Variants in ZNF701 observed in about 807,000 individuals in gnomAD.
ZNF701 encodes zinc finger protein 701.
Under a neutral mutation model 7.1 loss-of-function variants are expected in ZNF701, and 6 were observed. The ratio of observed to expected loss-of-function variants is 0.84; its 90% CI spans 0.46 to 1.66. The LOEUF (loss-of-function observed/expected upper bound fraction) is 1.66. ZNF701 is among the 40% of genes most tolerant of loss of function. The pLI is 0.01. For missense variants in ZNF701, 541 were observed against 559.2 expected, an observed-to-expected ratio of 0.97 and a Z score of 0.33; for synonymous variants, 166 against 188.2, an observed-to-expected ratio of 0.88 and a Z score of 0.97.
intron 3 of ZNF701, among the ~76,000 whole-genome samples, chr19:52,578,924 A>AT (rs1267637741): frequency 6.6e-6 from 1 of 150,554 alleles, no homozygotes; most frequent in Non-Finnish European, 1.5e-5. Flanking sequence ...CGCCTGGCTA[A>AT]TTTTTTTGTA....
chr19:52,579,210 G>T (rs2059958856), intron 3 of ZNF701, among the ~76,000 whole-genome samples: 1 of 142,756 alleles, frequency 7.0e-6, no homozygotes, highest in South Asian at 2.1e-4. Flanking sequence ...TTGGGAAGTG[G>T]TTATTGTTGC....
the ZNF701 span, among the ~76,000 whole-genome samples, chr19:52,593,236 C>G: frequency 7.6e-5 from 9 of 118,782 alleles, 3 homozygotes; most frequent in East Asian, 2.2e-4. Context: ...ACCTTTCCCC[C>G]CTTTCTATTC....
Position 52,582,746 on chromosome 19 carries a change from C to T in ZNF701, c.687C>T (p.Leu229=). 1.9e-6 allele frequency: 3 copies of T among 1,614,108 alleles called. No individual in the cohort carries two copies. Among genetic ancestry groups the T allele is most frequent in the Non-Finnish European group, 2.5e-6 (3 of 1,180,016 alleles). ...GCAAAGCCTTTAATGGTAGCTCACT[C>T]TTAAAAAAACATCAGATAATCCATT... ...ESGKAFNGSS[L]LKKHQIIHLG... Residue 229 remains leucine, a synonymous_variant, in exon 4 of 4, where the codon CTC becomes CTT. Coordinates refer to ENST00000391785, the MANE Select transcript of ZNF701 (RefSeq NM_018260.3).
chr19:52,593,871 C>T, the ZNF701 span, among the ~76,000 whole-genome samples: 4 of 111,676 alleles, frequency 3.6e-5, 2 homozygotes, highest in Non-Finnish European at 7.7e-5. Context: ...ACATCCCAGA[C>T]GATGGGCGGC....
At chr19:52,570,741 G>T (rs2059892327) in intron 1 of ZNF701, 1 of 152,262 alleles carries the variant, frequency 6.6e-6, no homozygotes. Flanking sequence ...CCTGGTGCTG[G>T]GATCTTGTGG....
intron 3 of ZNF701, among the ~76,000 whole-genome samples, chr19:52,578,602 G>A (rs1240380440): frequency 1.3e-5 from 2 of 152,108 alleles, no homozygotes; most frequent in African/African-American, 4.8e-5. Context: ...AAGCCCGCAG[G>A]GCTGGACCCT....
At chr19:52,600,115 G>C in the ZNF701 span, among the ~76,000 whole-genome samples, 7 of 152,180 alleles carry the variant, frequency 4.6e-5, no homozygotes, top group East Asian at 9.6e-4. Flanking sequence ...CTGGTCTAAG[G>C]CTTATTTATT....
downstream of ZNF701, among the ~76,000 whole-genome samples, chr19:52,590,781 AGT>A (rs1378300988): frequency 1.3e-5 from 2 of 152,092 alleles, no homozygotes; most frequent in African/African-American, 4.8e-5. Context: ...AGTTAATTTA[AGT>A]GTGTGTGGGT....
At position 52,576,117 on chromosome 19, in the gene ZNF701, AAAT is replaced by A. The variant is rs1212002718; in HGVS notation, c.142+97_142+99del. ...TGGGAGCCACATCCTTGCTTGGCTA[AAAT>A]GGAAGCCGTATTGAGTTAGAAATGA... On this transcript the variant is annotated intron_variant, in intron 3 of 3. Transcript: ENST00000391785. The A allele has an allele frequency of 4.6e-5, 74 of 1,597,388 alleles. No individual in the cohort carries two copies. In the Middle Eastern group the frequency reaches 1.0e-3, roughly 22 times the overall value.
the ZNF701 span, among the ~76,000 whole-genome samples, chr19:52,598,289 G>A: frequency 5.3e-5 from 8 of 152,194 alleles, no homozygotes; most frequent in Admixed American, 3.9e-4. Flanking sequence ...AACATATTGT[G>A]TTGGGCCACC....
At position 52,570,292 on chromosome 19, in the gene ZNF701, A is replaced by G; in HGVS notation, c.-110A>G. On this transcript the variant is annotated 5_prime_UTR_variant, in exon 1 of 4. Coordinates refer to ENST00000391785, the MANE Select transcript of ZNF701 (RefSeq NM_018260.3). ...CTGTGCGCACACATCCGCGCAGACC[A>G]GGAAGCGGATCCCGTGGAGTGAAGG... 1 of 154,344 alleles carries G rather than the reference A, an allele frequency of 6.5e-6. No homozygotes were observed. The highest frequency in any genetic ancestry group is 1.9e-4 in the South Asian group (1 of 5,298). 9.6% of individuals were successfully genotyped at this position (154,344 alleles called of 1,614,324 possible). A position where few individuals can be genotyped will look rare whatever the true frequency, so the allele number is the denominator to read the frequency against.
intron 3 of ZNF701, among the ~76,000 whole-genome samples, 173 bp from the exon 4 acceptor site, chr19:52,582,029 A>G (rs1191209184): frequency 6.6e-6 from 1 of 152,246 alleles, no homozygotes; most frequent in Non-Finnish European, 1.5e-5. Flanking sequence ...TTTGAAGCAC[A>G]TGCAATCACC....
rs762020168 is a variant in ZNF701 at position 52,575,888 on chromosome 19, C to A, written c.16-7C>A. 3.4e-6 allele frequency: 5 copies of A among 1,487,434 alleles called. No homozygotes were observed. The highest frequency in any genetic ancestry group is 2.3e-5 in the East Asian group (1 of 43,876). 92.1% of individuals were successfully genotyped at this position (1,487,434 alleles called of 1,614,324 possible). A position where few individuals can be genotyped will look rare whatever the true frequency, so the allele number is the denominator to read the frequency against. On this transcript the variant is annotated splice_polypyrimidine_tract_variant and splice_region_variant and intron_variant, in intron 2 of 3. Transcript: ENST00000391785. Reference sequence around the variant, plus strand: ...AACCATTTGCTTAAAATGTGTTTTCCTTTCAGGGTCTACTGACATTCAGGG... The same window carrying A: ...AACCATTTGCTTAAAATGTGTTTTCATTTCAGGGTCTACTGACATTCAGGG...
At chr19:52,571,875 G>C (rs11670795) in intron 1 of ZNF701, among the ~76,000 whole-genome samples, 43,462 of 151,796 alleles carry the variant, frequency 0.29, 7,587 homozygotes, top group Non-Finnish European at 0.4. Context: ...CCGTGCTGGA[G>C]TGCAATGGTG....
chr19:52,581,633 C>T (rs2059976293), intron 3 of ZNF701, among the ~76,000 whole-genome samples: 1 of 152,062 alleles, frequency 6.6e-6, no homozygotes, highest in Non-Finnish European at 1.5e-5. Context: ...GTGCATCAGC[C>T]GCTTGAGTAG....
chr19:52,597,533 A>T, the ZNF701 span: 4 of 370,900 alleles, frequency 1.1e-5, no homozygotes, highest in Non-Finnish European at 2.1e-5. Flanking sequence ...ATTAATTTAC[A>T]TTAAAGTGTT....
chr19:52,594,813 C>T, the ZNF701 span, among the ~76,000 whole-genome samples: 4 of 152,090 alleles, frequency 2.6e-5, no homozygotes, highest in South Asian at 2.1e-4. Context: ...GCACCTGGCC[C>T]GTTCTGGTTT....
At chr19:52,594,503 GTTTTTTTTGTT>G in the ZNF701 span, among the ~76,000 whole-genome samples, 2 of 130,410 alleles carry the variant, frequency 1.5e-5, no homozygotes, top group African/African-American at 6.0e-5. Flanking sequence ...CTTTTGTTCT[GTTTTTTTTGTT>G]TTTTGTTTTT....
chr19:52,572,021 C>T (rs2059904178), intron 1 of ZNF701, among the ~76,000 whole-genome samples: 1 of 152,002 alleles, frequency 6.6e-6, no homozygotes, highest in Non-Finnish European at 1.5e-5. Context: ...TGGGGTTTCT[C>T]CATATTGGTC....
Sources: gnomAD v4.1 joint callset for allele counts (sites outside exome capture counted in the v4.1 genomes callset) on GRCh38, gnomAD v4.1.1 for gene constraint, MANE v1.5 for transcripts, NCBI Gene and HGNC (gene_info 2026-07-23, HGNC 2026-07-21) for gene names.